Variants in JADE3 observed in about 807,000 individuals in gnomAD.
The protein encoded by JADE3 is protein Jade-3.
A neutral mutation model predicts 50.1 loss-of-function variants in JADE3; 2 were observed. The observed-to-expected ratio is 0.04, with a 90% CI of 0.02 to 0.13. The LOEUF is 0.13. Among genes scored for constraint, JADE3 ranks in the 10% least tolerant of loss-of-function variants. JADE3 has a pLI of 1.00. For missense variants in JADE3, 475 were observed against 634.4 expected (o/e 0.75, Z 2.70); for synonymous variants, 218 against 232.9 (o/e 0.94, Z 0.58).
chrX:47,023,055 C>T, intron 4 of JADE3, among the ~76,000 whole-genome samples: 1 of 111,509 alleles, frequency 9.0e-6, no homozygotes, highest in East Asian at 2.8e-4. Context: ...TACACTAAGC[C>T]AAACACTTTC....
At chrX:47,027,547 A>C (rs782719961) in intron 5 of JADE3, among the ~76,000 whole-genome samples, 31 of 111,979 alleles carry the variant, frequency 2.8e-4, no homozygotes, top group Non-Finnish European at 4.3e-4. Flanking sequence ...CCAGAATTAT[A>C]AAGCTTGGTG....
intron 8 of JADE3, among the ~76,000 whole-genome samples, chrX:47,051,954 C>G (rs1556372177): frequency 9.0e-6 from 1 of 111,019 alleles, no homozygotes; most frequent in Non-Finnish European, 1.9e-5. Flanking sequence ...ATTAGCAGGA[C>G]TTGGTGGCGC....
intron 1 of JADE3, among the ~76,000 whole-genome samples, chrX:46,975,714 CTTTTTTTTTTTTTTT>C (rs782578317): frequency 2.5e-5 from 1 of 40,524 alleles, no homozygotes; most frequent in Non-Finnish European, 3.9e-5. Flanking sequence ...TTTTCTTTTT[CTTTTTTTTTTTTTTT>C]TTTTTTTTGG....
At chrX:46,975,511 A>G (rs782397916) in intron 1 of JADE3, among the ~76,000 whole-genome samples, 7 of 110,533 alleles carry the variant, frequency 6.3e-5, no homozygotes, top group Non-Finnish European at 9.5e-5. Flanking sequence ...CAATTTTTAT[A>G]CATTTTAAAA....
intron 1 of JADE3, among the ~76,000 whole-genome samples, chrX:46,920,896 T>C (rs782796827): frequency 9.0e-6 from 1 of 111,682 alleles, no homozygotes; most frequent in African/African-American, 3.2e-5. Flanking sequence ...GGTAATAGAG[T>C]ACTCTGGCTT....
At chrX:46,995,047 T>G (rs939844567) in intron 3 of JADE3, among the ~76,000 whole-genome samples, 2 of 106,887 alleles carry the variant, frequency 1.9e-5, no homozygotes, top group Non-Finnish European at 3.9e-5. Flanking sequence ...TTTTTTTTTT[T>G]GAGATGGAGT....
chrX:47,027,275 A>G (rs1235637790), intron 5 of JADE3, among the ~76,000 whole-genome samples: 1 of 112,304 alleles, frequency 8.9e-6, no homozygotes, highest in African/African-American at 3.2e-5. Context: ...GTGAATATTA[A>G]CAGGTTTATA....
intron 4 of JADE3, among the ~76,000 whole-genome samples, chrX:47,011,971 T>G (rs1422397488): frequency 2.7e-5 from 3 of 110,939 alleles, no homozygotes; most frequent in Non-Finnish European, 5.6e-5. Context: ...ATCACATTCA[T>G]TTGAGTATGT....
intron 1 of JADE3, among the ~76,000 whole-genome samples, chrX:46,956,161 T>A (rs1053017162): frequency 9.0e-6 from 1 of 110,691 alleles, no homozygotes; most frequent in Non-Finnish European, 1.9e-5. Flanking sequence ...GCCTCCCGGG[T>A]TCAAGTGATT....
chrX:46,937,114 C>T (rs1267909369), intron 1 of JADE3, among the ~76,000 whole-genome samples: 2 of 111,596 alleles, frequency 1.8e-5, no homozygotes. Context: ...CTGTAGTCCA[C>T]AAAATGGGTT....
chrX:46,978,783 G>C (rs1368143577), intron 1 of JADE3, among the ~76,000 whole-genome samples: 1 of 111,425 alleles, frequency 9.0e-6, no homozygotes, highest in Non-Finnish European at 1.9e-5. Context: ...GTACCTGACT[G>C]CCCCCTGGTG....
intron 6 of JADE3, among the ~76,000 whole-genome samples, chrX:47,032,263 C>G (rs1321832278): frequency 9.0e-6 from 1 of 111,412 alleles, no homozygotes; most frequent in Non-Finnish European, 1.9e-5. Context: ...TTTAAGGATC[C>G]GCTGTAAATA....
intron 1 of JADE3, among the ~76,000 whole-genome samples, chrX:46,982,919 C>T (rs574896143): frequency 9.0e-6 from 1 of 111,573 alleles, no homozygotes; most frequent in African/African-American, 3.3e-5. Flanking sequence ...ACCTCCACCT[C>T]CCGGGTTCAA....
At chrX:46,947,825 A>C (rs1358944782) in intron 1 of JADE3, among the ~76,000 whole-genome samples, 9 of 111,867 alleles carry the variant, frequency 8.0e-5, no homozygotes, top group African/African-American at 2.9e-4. Context: ...TGGAGCCTCC[A>C]TGCCGTCTCT....
intron 6 of JADE3, among the ~76,000 whole-genome samples, chrX:47,030,624 T>C (rs1928998577): frequency 8.9e-6 from 1 of 112,603 alleles, no homozygotes; most frequent in South Asian, 3.6e-4. Context: ...ATTTTTCTTC[T>C]TTAGTGACAC....
chrX:47,026,395 T>A (rs1317709062), intron 5 of JADE3, among the ~76,000 whole-genome samples: 1 of 111,928 alleles, frequency 8.9e-6, no homozygotes, highest in Non-Finnish European at 1.9e-5. Flanking sequence ...TCAGTTCCCC[T>A]AATGTTAACA....
intron 4 of JADE3, among the ~76,000 whole-genome samples, chrX:47,008,116 AAAAG>A (rs1928478197): frequency 1.8e-5 from 2 of 111,880 alleles, no homozygotes; most frequent in African/African-American, 6.5e-5. Flanking sequence ...ATAGAGTTAT[AAAAG>A]AAATAGCTAA....
At chrX:47,012,622 G>GTT (rs374831204) in intron 4 of JADE3, among the ~76,000 whole-genome samples, 4 of 103,654 alleles carry the variant, frequency 3.9e-5, no homozygotes, top group Non-Finnish European at 4.0e-5. Flanking sequence ...CAGTTTATCT[G>GTT]TTTTTTTTTT....
intron 1 of JADE3, among the ~76,000 whole-genome samples, chrX:46,954,698 G>C (rs782475517): frequency 9.0e-6 from 1 of 111,310 alleles, no homozygotes; most frequent in Non-Finnish European, 1.9e-5. Context: ...GGGATTACAG[G>C]CATGCACCAC....
Sources: allele counts gnomAD v4.1 joint callset (sites outside exome capture counted in the v4.1 genomes callset), GRCh38; gene constraint gnomAD v4.1.1; transcripts MANE v1.5; gene names NCBI Gene and HGNC (gene_info 2026-07-23, HGNC 2026-07-21).